Variants in URB1 observed in about 807,000 individuals in gnomAD.
URB1 encodes the protein URB1 ribosome biogenesis factor.
In URB1, 197 loss-of-function variants were observed where a neutral mutation model predicts 242.3. The observed-to-expected ratio is 0.81, with a 90% confidence interval of 0.72 to 0.91. URB1 has a LOEUF of 0.91. Among genes scored for constraint, URB1 ranks in the 40% least tolerant of loss-of-function variants. URB1 has a pLI of 0.00. For synonymous variants in URB1, 1,153 were observed against 1,201.8 expected, an observed-to-expected ratio of 0.96 and a Z score of 0.84; for missense variants, 2,721 against 2,860.5, an observed-to-expected ratio of 0.95 and a Z score of 1.11.
chr21:32,320,542 G>A lies in URB1; in HGVS notation c.5583C>T (p.Ile1861=), dbSNP rs904498209. The A allele has an allele frequency of 2.6e-6, 4 of 1,551,338 alleles. No homozygotes were observed. The highest frequency in any genetic ancestry group is 2.4e-5 in the South Asian group (2 of 83,968). The change falls in exon 35 of 39, where the codon ATC becomes ATT. Residue 1861 remains isoleucine, a synonymous_variant. Coordinates refer to ENST00000382751, the MANE Select transcript of URB1 (RefSeq NM_014825.3). The part of the protein sequence containing the change: ...DYSLLTWILH[I]LESKFLETPL... ...CAAAAGGTACTTACTTGCTTTCAAG[G>A]ATGTGTAAAATCCATGTTAAAAGGC...
chr21:32,354,803 G>T (rs1021940352), intron 17 of URB1, 56 bp downstream of exon 17: 3 of 1,525,154 alleles, frequency 2.0e-6, no homozygotes, highest in Non-Finnish European at 2.7e-6. Flanking sequence ...CTCTTAACAC[G>T]TCACTGTGGC....
In URB1 at chr21:32,361,201, A is replaced by AAGAAAGAAAGAAAGAAAGAG. The variant is rs1467277770; in HGVS notation, c.1640-79_1640-78insCTCTTTCTTTCTTTCTTTCT. ...AAAGAAAGAAAGAAAGAAAGAAAGAAAGAAAATAGCTTGAATTAGAAAACA... is the reference window on the plus strand; with the variant it reads ...AAAGAAAGAAAGAAAGAAAGAAAGAAAGAAAGAAAGAAAGAAAGAGAGAAAATAGCTTGAATTAGAAAACA... On this transcript the variant is annotated intron_variant, in intron 12 of 38. Transcript: ENST00000382751. 50 of 937,024 alleles carry AAGAAAGAAAGAAAGAAAGAG rather than the reference A, an allele frequency of 5.3e-5. No homozygotes were observed. The African/African-American group carries it at 6.7e-4, about 13-fold the overall frequency. The allele number at this position is 937,024 out of a possible 1,614,324, so 58.0% of individuals were successfully genotyped here.
At chr21:32,362,302 T>C (rs927381767) in intron 11 of URB1, among the ~76,000 whole-genome samples, 7 of 151,830 alleles carry the variant, frequency 4.6e-5, no homozygotes, top group Admixed American at 1.3e-4. Flanking sequence ...GCCTCCCAGG[T>C]TCAAGTGATT....
In URB1 at chr21:32,314,519, T is replaced by G; in HGVS notation, c.*399A>C. On this transcript the variant is annotated 3_prime_UTR_variant, in exon 39 of 39. Transcript: ENST00000382751. ...CTTTAAACATCTCTCTTCGTTTTCA[T>G]AAAAAAAATCTGATACCTTTTGACA... 1 of 1,590,334 alleles carries G rather than the reference T, an allele frequency of 6.3e-7. No individual in the cohort carries two copies. Among genetic ancestry groups the G allele is most frequent in the Non-Finnish European group, 8.6e-7 (1 of 1,158,450 alleles).
At chr21:32,369,460 T>A (rs1336209657) in intron 8 of URB1, among the ~76,000 whole-genome samples, 1 of 152,178 alleles carries the variant, frequency 6.6e-6, no homozygotes, top group East Asian at 1.9e-4. Flanking sequence ...TTTTAATTTT[T>A]AAAATTTTTT....
rs1462882462 is a variant in URB1, at chr21:32,359,857, T to G, written c.1808A>C (p.His603Pro). The change falls in exon 14 of 39, where the codon CAC becomes CCC. Residue 603 changes from histidine to proline, a missense_variant. Coordinates refer to ENST00000382751, the MANE Select transcript of URB1 (RefSeq NM_014825.3). ...LREEVPPILQ[H>P]HMLKVALELP... is the part of the protein sequence containing the mutation. ...CTCCAGGGCCACCTTCAGCATGTGG[T>G]GCTGCAGAATGGGAGGCACCTCCTC... 6 of 1,548,442 alleles carry G rather than the reference T, an allele frequency of 3.9e-6. No homozygotes were observed. The highest frequency in any genetic ancestry group is 1.4e-5 in the African/African-American group (1 of 72,820).
chr21:32,390,503 T>C (rs1403258961), intron 1 of URB1, among the ~76,000 whole-genome samples: 3 of 152,124 alleles, frequency 2.0e-5, no homozygotes, highest in Admixed American at 6.5e-5. Context: ...TTTGAGTTCA[T>C]TGTAGATTCT....
rs769555747 is a variant in URB1 at position 32,338,780 on chromosome 21, G to T, written c.4437C>A (p.Leu1479=). Residue 1479 remains leucine, a synonymous_variant, in exon 26 of 39, where the codon CTC becomes CTA. Transcript: ENST00000382751. Reference sequence around the variant, plus strand: ...TCGGCAGAAACAGCGAGTGCTGCATGAGCATCACGTAGACCACCGGGAGCT... The same window carrying T: ...TCGGCAGAAACAGCGAGTGCTGCATTAGCATCACGTAGACCACCGGGAGCT... ...LIQLPVVYVM[L]MQHSLFLPTL... 58 of 1,551,516 alleles carry T rather than the reference G, an allele frequency of 3.7e-5. No homozygotes were observed. Among genetic ancestry groups the T allele is most frequent in the Non-Finnish European group, 4.9e-5 (56 of 1,147,002 alleles).
At chr21:32,344,854 C>T in intron 23 of URB1, 98 bp from the exon 24 acceptor site, 1 of 1,327,100 alleles carries the variant, frequency 7.5e-7, no homozygotes, top group South Asian at 1.5e-5. Context: ...GGGATAGATG[C>T]TGAGTCCTGC....
rs377310952 is a variant in URB1 at position 32,386,098 on chromosome 21, G to A, written c.143-414C>T. ...CAGGAGGCAGAGGTTACAGTGAGCC[G>A]AGATCGCGCCATTGCACCCCAGCCT... On this transcript the variant is annotated intron_variant, in intron 1 of 38. Transcript: ENST00000382751. Among the ~76,000 whole-genome samples the A allele has an allele frequency of 3.3e-5, 5 of 151,022 alleles. No individual in the cohort carries two copies. The East Asian group carries it at 7.8e-4, about 24-fold the overall frequency.
chr21:32,322,415 C>G, intron 33 of URB1, 63 bp downstream of exon 33: 1 of 1,396,724 alleles, frequency 7.2e-7, no homozygotes. Flanking sequence ...GTCAGAATGA[C>G]AACGGTGGCT....
At chr21:32,323,901 T>A (rs902305218) in intron 32 of URB1, among the ~76,000 whole-genome samples, 1 of 152,042 alleles carries the variant, frequency 6.6e-6, no homozygotes, top group African/African-American at 2.4e-5. Context: ...AGGTCGAGGT[T>A]GCAGTGAGCC....
Position 32,312,153 on chromosome 21 carries a change from G to T in URB1, c.*2765C>A. 6.5e-7 allele frequency: 1 copy of T among 1,528,616 alleles called. No individual in the cohort carries two copies. The allele number at this position is 1,528,616 out of a possible 1,614,324, so 94.7% of individuals were successfully genotyped here. On this transcript the variant is annotated 3_prime_UTR_variant, in exon 39 of 39. Coordinates refer to ENST00000382751, the MANE Select transcript of URB1 (RefSeq NM_014825.3). ...AGGAGCATCCTATGCCTTTGACAAA[G>T]ATTGCAGTGGCCCCTCGAGTGCAGA...
chr21:32,348,346 G>C (rs1204959579), intron 21 of URB1, among the ~76,000 whole-genome samples: 3 of 152,056 alleles, frequency 2.0e-5, no homozygotes, highest in African/African-American at 4.8e-5. Flanking sequence ...AAGTGGGTTG[G>C]GATTAAACCA....
intron 30 of URB1, among the ~76,000 whole-genome samples, chr21:32,326,117 A>AGG (rs2032826681): frequency 6.6e-6 from 1 of 152,218 alleles, no homozygotes; most frequent in South Asian, 2.1e-4. Flanking sequence ...CACAACCTAG[A>AGG]GGGCTCTTCA....
intron 37 of URB1, 32 bp downstream of exon 37, chr21:32,317,644 A>C (rs965837448): frequency 6.5e-7 from 1 of 1,548,232 alleles, no homozygotes; most frequent in East Asian, 2.4e-5. Context: ...CATGTTGGCT[A>C]CTCTGGGCCA....
intron 1 of URB1, among the ~76,000 whole-genome samples, chr21:32,386,822 G>A (rs1315523008): frequency 6.6e-6 from 1 of 152,112 alleles, no homozygotes; most frequent in African/African-American, 2.4e-5. Flanking sequence ...TGAGAAAACT[G>A]AGGCCCTTGT....
chr21:32,358,365 C>T (rs1392796559), intron 14 of URB1, among the ~76,000 whole-genome samples: 2 of 152,214 alleles, frequency 1.3e-5, no homozygotes, highest in Non-Finnish European at 2.9e-5. Context: ...GGACCCCAGG[C>T]TGTCTGAGTC....
intron 9 of URB1, 57 bp downstream of exon 9, chr21:32,368,346 G>A: frequency 1.9e-5 from 27 of 1,452,950 alleles, no homozygotes; most frequent in Non-Finnish European, 2.4e-5. Context: ...GGGATTACAG[G>A]CATGAGCCAC....
Sources: gnomAD v4.1 joint callset for allele counts (sites outside exome capture counted in the v4.1 genomes callset) on GRCh38, gnomAD v4.1.1 for gene constraint, MANE v1.5 for transcripts, NCBI Gene and HGNC (gene_info 2026-07-23, HGNC 2026-07-21) for gene names.